Variants in N4BP2L2 observed in about 807,000 individuals in gnomAD.
The protein encoded by N4BP2L2 is NEDD4 binding protein 2 like 2, also known as NEDD4-binding protein 2-like 2.
A neutral mutation model predicts 56.2 loss-of-function variants in N4BP2L2; 50 were observed. That is an observed-to-expected ratio of 0.89 (90% CI 0.71 to 1.13). N4BP2L2 has a LOEUF of 1.13. Among genes scored for constraint, N4BP2L2 ranks in the 50% most tolerant of loss-of-function variants. The probability of loss-of-function intolerance (pLI) is 0.00; values close to 1 mark genes in which losing one functional copy is unlikely to be tolerated. For synonymous variants in N4BP2L2, 203 were observed against 223.6 expected, an observed-to-expected ratio of 0.91 and a Z score of 0.82; for missense variants, 689 against 693.8, an observed-to-expected ratio of 0.99 and a Z score of 0.08.
chr13:32,443,239 T>C, exon 7 of N4BP2L2: 1 of 1,614,000 alleles, frequency 6.2e-7, no homozygotes, highest in Non-Finnish European at 8.5e-7. Context: ...TTCTGGATTG[T>C]TTCCTGGTTC....
rs117420442 is a variant in N4BP2L2, at chr13:32,458,882, T to G, written c.366-14756A>C. On this transcript the variant is annotated intron_variant, in intron 6 of 9. Coordinates refer to the N4BP2L2 transcript ENST00000357505. Reference sequence around the variant, plus strand: ...GTAACATTCTCCAGGATAGACCACATGTTGGGCCACAAAATAAGTCTCAAC... The same window carrying G: ...GTAACATTCTCCAGGATAGACCACAGGTTGGGCCACAAAATAAGTCTCAAC... 1.5e-4 allele frequency among the ~76,000 whole-genome samples: 23 copies of G among 152,310 alleles called. No individual in the cohort carries two copies. The East Asian group carries it at 4.4e-3, about 29-fold the overall frequency.
downstream of N4BP2L2, among the ~76,000 whole-genome samples, chr13:32,509,640 A>G (rs2139730557): frequency 6.6e-6 from 1 of 152,246 alleles, no homozygotes; most frequent in East Asian, 1.9e-4. Context: ...AAATACTTCA[A>G]TTTACTTATA....
At position 32,451,744 on chromosome 13, in the gene N4BP2L2, T is replaced by A. The variant is rs149616877; in HGVS notation, c.366-7618A>T. 2.5e-3 allele frequency among the ~76,000 whole-genome samples: 372 copies of A among 150,336 alleles called. 1 individual carries two copies. Among genetic ancestry groups the A allele is most frequent in the Middle Eastern group, 6.8e-3 (2 of 292 alleles). On this transcript the variant is annotated intron_variant, in intron 6 of 9. Transcript: ENST00000357505. ...TTTTTTTTTTTTTTAAGAAACAGGG[T>A]CTCACTATGTTCCCCAGGCTGGTCT...
intron 6 of N4BP2L2, among the ~76,000 whole-genome samples, chr13:32,486,689 T>C (rs1848072936): frequency 6.7e-6 from 1 of 149,530 alleles, no homozygotes; most frequent in Non-Finnish European, 1.5e-5. Flanking sequence ...ATAATAATAA[T>C]AATAATAACA....
At chr13:32,441,781 C>T (rs886703277) in intron 7 of N4BP2L2, among the ~76,000 whole-genome samples, 9 of 149,098 alleles carry the variant, frequency 6.0e-5, no homozygotes, top group African/African-American at 2.0e-4. Context: ...CGGTGGCTCA[C>T]GCCTGTAATC....
Position 32,532,896 on chromosome 13 carries a change from T to TA in N4BP2L2, c.1259+2872dup, listed in dbSNP as rs1555276457. Among the ~76,000 whole-genome samples the TA allele has an allele frequency of 9.8e-3, 1,419 of 145,436 alleles. 21 individuals carry two copies. Among genetic ancestry groups the TA allele is most frequent in the African/African-American group, 0.03 (1,173 of 39,586 alleles). On this transcript the variant is annotated intron_variant, in intron 2 of 5. Coordinates refer to ENST00000267068, the Ensembl canonical transcript of N4BP2L2. ...GAGCCACCGGCACCCGGCCTTTTTT[T>TA]AAAAAAAAAAAAATAGAGACAGGGT...
At chr13:32,491,588 ATATAC>A (rs201193464) in intron 6 of N4BP2L2, among the ~76,000 whole-genome samples, 32 of 146,842 alleles carry the variant, frequency 2.2e-4, no homozygotes, top group South Asian at 1.5e-3. Flanking sequence ...TATAAATTAT[ATATAC>A]TATATGTATA....
At chr13:32,460,075 T>C (rs1365047428) in intron 6 of N4BP2L2, among the ~76,000 whole-genome samples, 1 of 152,146 alleles carries the variant, frequency 6.6e-6, no homozygotes, top group African/African-American at 2.4e-5. Flanking sequence ...TCTCAACAGA[T>C]GCAGAAAAAG....
chr13:32,471,355 G>C (rs1405895454), intron 6 of N4BP2L2, among the ~76,000 whole-genome samples: 1 of 152,206 alleles, frequency 6.6e-6, no homozygotes. Flanking sequence ...GTGGACCTCT[G>C]GGCCAGAATG....
intron 6 of N4BP2L2, among the ~76,000 whole-genome samples, chr13:32,465,061 GTTTCCAGTGATTC>G (rs2080975185): frequency 6.6e-6 from 1 of 152,014 alleles, no homozygotes; most frequent in South Asian, 2.1e-4. Context: ...CTGCCTTCTG[GTTTCCAGTGATTC>G]TCTTGCCTCA....
At chr13:32,464,585 T>C (rs913752457) in intron 6 of N4BP2L2, among the ~76,000 whole-genome samples, 3 of 152,324 alleles carry the variant, frequency 2.0e-5, no homozygotes, top group Non-Finnish European at 4.4e-5. Context: ...GCTTCTTGCA[T>C]ATATCAAGGT....
At chr13:32,506,792 A>T (rs1480553932), downstream of N4BP2L2, 1 of 152,188 alleles carries the variant, frequency 6.6e-6, no homozygotes, top group Non-Finnish European at 1.5e-5. Flanking sequence ...AAAATAATTT[A>T]AAAAACATGA....
intron 6 of N4BP2L2, among the ~76,000 whole-genome samples, chr13:32,450,387 C>T (rs1295201022): frequency 5.7e-4 from 82 of 144,202 alleles, no homozygotes; most frequent in Admixed American, 1.3e-3. Flanking sequence ...TGCAGTGGCG[C>T]GATCTTGGCT....
At chr13:32,521,332 G>C (rs751665834) in intron 5 of N4BP2L2, 41 bp downstream of exon 5, 2 of 1,389,518 alleles carry the variant, frequency 1.4e-6, no homozygotes, top group Non-Finnish European at 2.0e-6. Context: ...ACAAAAGAAA[G>C]AAGAAAAGTT....
At chr13:32,456,006 C>T (rs1173968717) in intron 6 of N4BP2L2, among the ~76,000 whole-genome samples, 2 of 152,220 alleles carry the variant, frequency 1.3e-5, no homozygotes, top group Admixed American at 1.3e-4. Flanking sequence ...AGACCAAGAA[C>T]CTATCCCCCT....
chr13:32,437,618 T>C (rs2075676945), intron 8 of N4BP2L2, among the ~76,000 whole-genome samples: 1 of 152,202 alleles, frequency 6.6e-6, no homozygotes, highest in Non-Finnish European at 1.5e-5. Flanking sequence ...GCCCTCAGAA[T>C]AGTTACGTCT....
intron 6 of N4BP2L2, among the ~76,000 whole-genome samples, chr13:32,503,214 A>G (rs2090345293): frequency 6.6e-6 from 1 of 150,806 alleles, no homozygotes; most frequent in African/African-American, 2.4e-5. Context: ...TGCACTAATT[A>G]CTGCCTCAAA....
At chr13:32,526,837 T>TTTTTTTTTTTG (rs2053091079) in intron 3 of N4BP2L2, 1 of 143,946 alleles carries the variant, frequency 6.9e-6, no homozygotes, top group Non-Finnish European at 1.5e-5. Flanking sequence ...TTTTTTTTTT[T>TTTTTTTTTTTG]TTTTTTTTTG....
chr13:32,454,821 C>T (rs1277021547), intron 6 of N4BP2L2, among the ~76,000 whole-genome samples: 1 of 152,118 alleles, frequency 6.6e-6, no homozygotes, highest in African/African-American at 2.4e-5. Context: ...TAAGAGAGAA[C>T]ACTGGAATTC....
Sources: gnomAD v4.1 joint callset for allele counts (sites outside exome capture counted in the v4.1 genomes callset) on GRCh38, gnomAD v4.1.1 for gene constraint, MANE v1.5 for transcripts, NCBI Gene and HGNC (gene_info 2026-07-23, HGNC 2026-07-21) for gene names.